RBFOX1: variants seen among roughly 807,000 people sequenced by gnomAD.
RBFOX1 encodes the protein RNA binding protein fox-1 homolog 1.
RBFOX1 carries 8 observed loss-of-function variants against 57.7 expected under a neutral mutation model. The ratio of observed to expected loss-of-function variants is 0.14; its 90% CI spans 0.08 to 0.25. The LOEUF (loss-of-function observed/expected upper bound fraction) is 0.25. Among genes scored for constraint, RBFOX1 ranks in the 10% least tolerant of loss-of-function variants. The pLI is 1.00. For missense variants in RBFOX1, 611 were observed against 548.5 expected (o/e 1.11, Z -1.14); for synonymous variants, 326 against 222.4 (o/e 1.47, Z -4.15).
intron 2 of RBFOX1, among the ~76,000 whole-genome samples, chr16:6,467,994 C>T (rs1284419566): frequency 6.6e-6 from 1 of 152,078 alleles, no homozygotes; most frequent in Non-Finnish European, 1.5e-5. Context: ...AGCACCAGAG[C>T]CTCTTTGAGA....
rs182707687 is a variant in RBFOX1, at chr16:7,090,144, G to A, written c.27+38046G>A. On this transcript the variant is annotated intron_variant, in intron 4 of 15. Coordinates refer to ENST00000550418, the MANE Select transcript of RBFOX1 (RefSeq NM_018723.4). ...AGAGCTCATCTTGCTTTAGGAAAAT[G>A]AGCCTCAGCTACATTGATGTGTGAA... Among the ~76,000 whole-genome samples the A allele has an allele frequency of 3.9e-3, 600 of 152,288 alleles. 4 individuals carry two copies. Among genetic ancestry groups the A allele is most frequent in the Non-Finnish European group, 4.6e-3 (313 of 68,028 alleles).
chr16:6,726,342 A>G (rs939323910), intron 3 of RBFOX1, among the ~76,000 whole-genome samples: 1 of 152,228 alleles, frequency 6.6e-6, no homozygotes, highest in Non-Finnish European at 1.5e-5. Context: ...AAGAGGCAAA[A>G]GCAAATTTTT....
intron 2 of RBFOX1, among the ~76,000 whole-genome samples, chr16:6,368,873 A>G (rs2090040449): frequency 6.6e-6 from 1 of 152,226 alleles, no homozygotes; most frequent in African/African-American, 2.4e-5. Flanking sequence ...ATGAGAAAGT[A>G]AAGATGGATT....
intron 1 of RBFOX1, among the ~76,000 whole-genome samples, chr16:6,125,313 G>A (rs148118722): frequency 6.6e-6 from 1 of 152,300 alleles, no homozygotes; most frequent in East Asian, 1.9e-4. Context: ...AGGAGAAGAA[G>A]AGGTGGGTCT....
At chr16:6,636,284 C>T (rs549225880) in intron 2 of RBFOX1, among the ~76,000 whole-genome samples, 2 of 152,236 alleles carry the variant, frequency 1.3e-5, no homozygotes, top group East Asian at 1.9e-4. Context: ...CATTCTCCTG[C>T]CTCAGCCTCC....
At chr16:5,268,491 T>G (rs553902341) in intron 1 of RBFOX1, among the ~76,000 whole-genome samples, 1 of 152,356 alleles carries the variant, frequency 6.6e-6, no homozygotes, top group Non-Finnish European at 1.5e-5. Context: ...GCAAATCCCC[T>G]CATCATTCAT....
chr16:7,416,094 C>T (rs557323594), intron 4 of RBFOX1, among the ~76,000 whole-genome samples: 1 of 152,264 alleles, frequency 6.6e-6, no homozygotes, highest in South Asian at 2.1e-4. Context: ...CTCCAGCCCC[C>T]CAATCTGAAA....
At chr16:6,654,156 G>A (rs939288876) in intron 2 of RBFOX1, among the ~76,000 whole-genome samples, 3 of 151,448 alleles carry the variant, frequency 2.0e-5, no homozygotes, top group African/African-American at 7.3e-5. Flanking sequence ...GAGAGGAGAT[G>A]AATGGATGGA....
At position 6,717,779 on chromosome 16, in the gene RBFOX1, T is replaced by C. The variant is rs75008274; in HGVS notation, c.-16+63129T>C. 3.8e-3 allele frequency among the ~76,000 whole-genome samples: 583 copies of C among 152,280 alleles called. 5 individuals are homozygous for C. The highest frequency in any genetic ancestry group is 0.013 in the African/African-American group (557 of 41,566). ...AGTATGTGTTTACGGGCTGCAATTC[T>C]CAACATGGACCCAGCAGAAAATATT... On this transcript the variant is annotated intron_variant, in intron 3 of 15. Transcript: ENST00000550418.
At chr16:6,538,499 A>T (rs1197975813) in intron 2 of RBFOX1, among the ~76,000 whole-genome samples, 2 of 152,186 alleles carry the variant, frequency 1.3e-5, no homozygotes, top group Non-Finnish European at 2.9e-5. Flanking sequence ...CTCAAAACAA[A>T]AAAGCAAAAA....
At chr16:5,447,604 G>A (rs1399471423) in intron 1 of RBFOX1, among the ~76,000 whole-genome samples, 3 of 152,130 alleles carry the variant, frequency 2.0e-5, no homozygotes, top group African/African-American at 7.2e-5. Context: ...CACCATGTTG[G>A]CCAGGCTGAT....
rs561603055 is a variant in RBFOX1 at position 7,268,655 on chromosome 16, C to G, written c.27+216557C>G. 2.6e-5 allele frequency among the ~76,000 whole-genome samples: 4 copies of G among 152,268 alleles called. No homozygotes were observed. In the East Asian group the frequency reaches 7.7e-4, roughly 29 times the overall value. On this transcript the variant is annotated intron_variant, in intron 4 of 15. Transcript: ENST00000550418. ...AGTTCTTTTAGTTGAGCTTGTGTAACTGTGAGTCAATCCTGCCCATGTTTT... is the reference window on the plus strand; with the variant it reads ...AGTTCTTTTAGTTGAGCTTGTGTAAGTGTGAGTCAATCCTGCCCATGTTTT...
intron 4 of RBFOX1, among the ~76,000 whole-genome samples, chr16:6,006,582 G>A (rs780893636): frequency 2.0e-5 from 3 of 152,180 alleles, no homozygotes; most frequent in Non-Finnish European, 4.4e-5. Flanking sequence ...ATTGCCTAAA[G>A]CCAGTTTTCC....
intron 4 of RBFOX1, among the ~76,000 whole-genome samples, chr16:5,987,955 G>C (rs996701789): frequency 6.6e-6 from 1 of 152,130 alleles, no homozygotes; most frequent in African/African-American, 2.4e-5. Flanking sequence ...GATCAGAGAG[G>C]TCGCTTGATT....
At chr16:6,103,968 C>T (rs1216849555) in intron 1 of RBFOX1, among the ~76,000 whole-genome samples, 5 of 152,190 alleles carry the variant, frequency 3.3e-5, no homozygotes. Flanking sequence ...GGCTCAGCCT[C>T]TGTGGTCTCA....
chr16:6,285,609 TGA>T (rs1384535692), intron 1 of RBFOX1, among the ~76,000 whole-genome samples: 2 of 152,158 alleles, frequency 1.3e-5, no homozygotes. Flanking sequence ...TTTGTTCTGG[TGA>T]GAGGTTTGCT....
intron 3 of RBFOX1, among the ~76,000 whole-genome samples, chr16:5,826,337 G>A (rs934876956): frequency 3.3e-5 from 5 of 152,128 alleles, no homozygotes; most frequent in African/African-American, 9.7e-5. Context: ...AGCAGTACCT[G>A]TGACTTTGTC....
At chr16:5,338,426 A>C (rs1400421059) in intron 1 of RBFOX1, among the ~76,000 whole-genome samples, 1 of 152,162 alleles carries the variant, frequency 6.6e-6, no homozygotes, top group Non-Finnish European at 1.5e-5. Flanking sequence ...GAAGCAGGAC[A>C]GCTGGTTTGC....
intron 2 of RBFOX1, among the ~76,000 whole-genome samples, chr16:6,645,853 C>G (rs1466081678): frequency 6.6e-6 from 1 of 152,068 alleles, no homozygotes; most frequent in African/African-American, 2.4e-5. Flanking sequence ...GCTTCTCTTA[C>G]AAATAGGGAA....
Sources: allele counts gnomAD v4.1 joint callset (sites outside exome capture counted in the v4.1 genomes callset), GRCh38; gene constraint gnomAD v4.1.1; transcripts MANE v1.5; gene names NCBI Gene and HGNC (gene_info 2026-07-23, HGNC 2026-07-21).